Variants in NVL observed in about 807,000 individuals in gnomAD.
NVL encodes nuclear VCP like.
Under a neutral mutation model 110.2 loss-of-function variants are expected in NVL, and 84 were observed. The ratio of observed to expected loss-of-function variants is 0.76; its 90% CI spans 0.64 to 0.91. The LOEUF is 0.91. Among genes scored for constraint, NVL ranks in the 40% least tolerant of loss-of-function variants. The pLI, the probability that NVL is intolerant of heterozygous loss-of-function variation, is 0.00. For synonymous variants in NVL, 354 were observed against 361.1 expected (o/e 0.98, Z 0.22); for missense variants, 882 against 1,035.9 (o/e 0.85, Z 2.04).
intron 16 of NVL, among the ~76,000 whole-genome samples, chr1:224,278,985 A>G (rs543326798): frequency 1.3e-5 from 2 of 152,238 alleles, no homozygotes; most frequent in East Asian, 3.9e-4. Context: ...TTGACCTCTC[A>G]AAGTGCTGGG....
intron 15 of NVL, among the ~76,000 whole-genome samples, chr1:224,282,770 C>T (rs1294425508): frequency 1.3e-5 from 2 of 152,196 alleles, no homozygotes; most frequent in East Asian, 3.8e-4. Flanking sequence ...CTTATTCTTC[C>T]AAACCTCTCC....
intron 22 of NVL, among the ~76,000 whole-genome samples, chr1:224,229,098 C>T (rs370553179): frequency 6.6e-6 from 1 of 151,444 alleles, no homozygotes; most frequent in South Asian, 2.1e-4. Flanking sequence ...AGTTGGAGAC[C>T]AGGCTGACCA....
intron 19 of NVL, among the ~76,000 whole-genome samples, chr1:224,240,948 A>T (rs904887232): frequency 6.6e-6 from 1 of 151,616 alleles, no homozygotes; most frequent in Admixed American, 6.6e-5. Flanking sequence ...ACACCACCAT[A>T]CCCGGCTAAT....
chr1:224,273,068 A>C (rs1450332755), intron 17 of NVL, among the ~76,000 whole-genome samples: 3 of 148,018 alleles, frequency 2.0e-5, no homozygotes, highest in Non-Finnish European at 4.4e-5. Flanking sequence ...AACAAAAAAA[A>C]ACACAACAAA....
At chr1:224,262,981 G>T (rs775198822) in intron 18 of NVL, among the ~76,000 whole-genome samples, 1 of 152,116 alleles carries the variant, frequency 6.6e-6, no homozygotes, top group Non-Finnish European at 1.5e-5. Flanking sequence ...TATGGAGAAA[G>T]GGTGAACATA....
rs1338051700 is a variant in NVL, at chr1:224,287,832, T to C, written c.1737A>G (p.Thr579=). The C allele has an allele frequency of 1.2e-6, 2 of 1,614,196 alleles. No homozygotes were observed. The highest frequency in any genetic ancestry group is 4.5e-5 in the East Asian group (2 of 44,886). ...REGFVTVPNV[T]WADIGALEDI... ...CTTCCAGGGCACCAATATCTGCCCA[T>C]GTCACATTAGGGACAGTGACAAAGC... The change falls in exon 14 of 23, where the codon ACA becomes ACG. Residue 579 remains threonine, a synonymous_variant. Coordinates refer to ENST00000281701, the MANE Select transcript of NVL (RefSeq NM_002533.4).
intron 4 of NVL, among the ~76,000 whole-genome samples, chr1:224,313,347 A>G (rs1669746581): frequency 6.6e-6 from 1 of 151,738 alleles, no homozygotes; most frequent in African/African-American, 2.4e-5. Flanking sequence ...AAAGAGTTAA[A>G]CATAAAGAAA....
chr1:224,280,001 TATAAA>T (rs1187613577), intron 16 of NVL, among the ~76,000 whole-genome samples: 1 of 151,944 alleles, frequency 6.6e-6, no homozygotes, highest in African/African-American at 2.4e-5. Context: ...TTCTGAAACA[TATAAA>T]ATAATACTAT....
At position 224,236,593 on chromosome 1, in the gene NVL, G is replaced by A; in HGVS notation, c.2290-11C>T. ...TGGTTTGGTACCATTCTAAGTAAGA[G>A]AGAAAAATGATTTTTCATTGGAGCT... is the stretch of plus-strand genomic sequence containing the variant. On this transcript the variant is annotated splice_polypyrimidine_tract_variant and intron_variant, in intron 19 of 22. Coordinates refer to ENST00000281701, the MANE Select transcript of NVL (RefSeq NM_002533.4). The A allele has an allele frequency of 6.2e-7, 1 of 1,607,906 alleles. No homozygotes were observed. Among genetic ancestry groups the A allele is most frequent in the Non-Finnish European group, 8.5e-7 (1 of 1,174,404 alleles).
chr1:224,281,284 C>CGTGCGT (rs1553320771), intron 15 of NVL, 99 bp from the exon 16 acceptor site: 3 of 553,138 alleles, frequency 5.4e-6, no homozygotes, highest in African/African-American at 1.9e-5. Flanking sequence ...ACTCTGTGTG[C>CGTGCGT]GTGTGTGTGT....
intron 2 of NVL, among the ~76,000 whole-genome samples, chr1:224,323,560 G>C (rs958281840): frequency 6.6e-6 from 1 of 152,154 alleles, no homozygotes; most frequent in Non-Finnish European, 1.5e-5. Flanking sequence ...GACCGAGATG[G>C]GGACAAAATT....
intron 20 of NVL, among the ~76,000 whole-genome samples, chr1:224,234,806 T>C (rs1571763027): frequency 6.6e-6 from 1 of 152,136 alleles, no homozygotes; most frequent in African/African-American, 2.4e-5. Flanking sequence ...TATAGTGGCA[T>C]GAAAATCCAA....
rs1195114420 is a variant in NVL at position 224,317,690 on chromosome 1, T to C, written c.284+4A>G. On this transcript the variant is annotated splice_donor_region_variant and intron_variant, in intron 4 of 22. Coordinates refer to ENST00000281701, the MANE Select transcript of NVL (RefSeq NM_002533.4). ...TAAAAAAACCCTGCATTTGGTATAC[T>C]TACTCATTATCCTCTTCACCTTGTC... The C allele has an allele frequency of 1.9e-6, 3 of 1,539,622 alleles. No homozygotes were observed. Among genetic ancestry groups the C allele is most frequent in the Middle Eastern group, 1.7e-4 (1 of 5,944 alleles).
At chr1:224,282,657 T>A (rs1313520454) in intron 15 of NVL, among the ~76,000 whole-genome samples, 2 of 152,186 alleles carry the variant, frequency 1.3e-5, no homozygotes, top group Non-Finnish European at 2.9e-5. Context: ...TCTTAGAACC[T>A]GGTATCTGAG....
intron 5 of NVL, among the ~76,000 whole-genome samples, chr1:224,308,704 A>G (rs941112538): frequency 1.3e-5 from 2 of 149,830 alleles, no homozygotes; most frequent in African/African-American, 4.9e-5. Context: ...AAAAAAAAAA[A>G]AAAGAAAAGA....
intron 22 of NVL, among the ~76,000 whole-genome samples, chr1:224,230,691 A>T (rs905551711): frequency 1.1e-4 from 16 of 152,184 alleles, no homozygotes; most frequent in African/African-American, 3.4e-4. Flanking sequence ...TAGTTAGGAA[A>T]ACTGTGTTCT....
In NVL at chr1:224,233,352, G is replaced by C; in HGVS notation, c.2367-63C>G. On this transcript the variant is annotated intron_variant, in intron 20 of 22. Coordinates refer to ENST00000281701, the MANE Select transcript of NVL (RefSeq NM_002533.4). Reference sequence around the variant, plus strand: ...ACTGCAAAATCCCAGAAAAAAACCCGGAAAACAGTTTTCATATAAGTCATA... The same window carrying C: ...ACTGCAAAATCCCAGAAAAAAACCCCGAAAACAGTTTTCATATAAGTCATA... The C allele has an allele frequency of 3.1e-6, 4 of 1,301,522 alleles. No homozygotes were observed. The South Asian group carries it at 4.5e-5, about 15-fold the overall frequency. 80.6% of individuals were successfully genotyped at this position (1,301,522 alleles called of 1,614,324 possible).
chr1:224,296,672 A>G, intron 10 of NVL, 54 bp from the exon 11 acceptor site: 1 of 1,008,354 alleles, frequency 9.9e-7, no homozygotes, highest in South Asian at 1.6e-5. Context: ...CCTATACTGA[A>G]GCACAATTAA....
chr1:224,259,623 C>T (rs1040142546), intron 18 of NVL, among the ~76,000 whole-genome samples: 12 of 151,952 alleles, frequency 7.9e-5, no homozygotes, highest in African/African-American at 2.7e-4. Flanking sequence ...ACTCATGATT[C>T]ATTAAACAAA....
Sources: allele counts gnomAD v4.1 joint callset (sites outside exome capture counted in the v4.1 genomes callset), GRCh38; gene constraint gnomAD v4.1.1; transcripts MANE v1.5; gene names NCBI Gene and HGNC (gene_info 2026-07-23, HGNC 2026-07-21).